METAP1D: variants seen among roughly 807,000 people sequenced by gnomAD.
METAP1D encodes the protein methionyl aminopeptidase type 1D, mitochondrial.
METAP1D carries 31 observed loss-of-function variants against 40.5 expected under a neutral mutation model. The ratio of observed to expected loss-of-function variants is 0.77; its 90% CI spans 0.58 to 1.03. METAP1D has a LOEUF of 1.03. Ranked by LOEUF, METAP1D falls within the 50% of genes least tolerant of loss-of-function variation. The pLI, the probability that METAP1D is intolerant of heterozygous loss-of-function variation, is 0.00. For missense variants in METAP1D, 411 were observed against 420.7 expected (o/e 0.98, Z 0.20); for synonymous variants, 151 against 146.4 (o/e 1.03, Z -0.22).
Position 172,080,476 on chromosome 2 carries a change from T to C in METAP1D, c.*70T>C. On this transcript the variant is annotated 3_prime_UTR_variant, in exon 10 of 10. Transcript: ENST00000315796. ...ATTGCTGAAATTTGGCTGGAGAACT[T>C]TTAGAAGAAACAGGGAAATGACCGG... 2.0e-6 allele frequency: 3 copies of C among 1,533,806 alleles called. No individual in the cohort carries two copies. In the South Asian group the frequency reaches 3.4e-5, roughly 17 times the overall value.
At chr2:172,029,146 G>A (rs1208778671) in intron 1 of METAP1D, among the ~76,000 whole-genome samples, 2 of 152,184 alleles carry the variant, frequency 1.3e-5, no homozygotes, top group Admixed American at 1.3e-4. Flanking sequence ...GGTGGTTTAC[G>A]CCTGTAATCC....
intron 1 of METAP1D, among the ~76,000 whole-genome samples, chr2:172,016,300 A>AAAAAAAATAT (rs1553490378): frequency 1.4e-3 from 58 of 40,004 alleles, no homozygotes; most frequent in Non-Finnish European, 2.3e-3. Flanking sequence ...AAAAAAAAAA[A>AAAAAAAATAT]ATATATATAT....
chr2:172,005,638 A>G (rs1296462323), intron 1 of METAP1D, among the ~76,000 whole-genome samples: 1 of 149,050 alleles, frequency 6.7e-6, no homozygotes, highest in Non-Finnish European at 1.5e-5. Context: ...CCCGGGTTCA[A>G]GCAATTCTCT....
intron 1 of METAP1D, among the ~76,000 whole-genome samples, chr2:172,037,158 A>G (rs1054500704): frequency 6.6e-6 from 1 of 152,134 alleles, no homozygotes; most frequent in African/African-American, 2.4e-5. Flanking sequence ...GCTGCTTGGG[A>G]GGCTGAGACA....
chr2:172,016,300 A>AAAAAAAATATATATATATATAT (rs1553490378), intron 1 of METAP1D, among the ~76,000 whole-genome samples: 2 of 40,038 alleles, frequency 5.0e-5, no homozygotes, highest in Non-Finnish European at 9.2e-5. Flanking sequence ...AAAAAAAAAA[A>AAAAAAAATATATATATATATAT]ATATATATAT....
chr2:172,080,602 C>A lies in METAP1D; in HGVS notation c.*196C>A. 1.6e-6 allele frequency: 1 copy of A among 631,884 alleles called. No homozygotes were observed. The highest frequency in any genetic ancestry group is 2.7e-6 in the Non-Finnish European group (1 of 364,082). 39.1% of individuals were successfully genotyped at this position (631,884 alleles called of 1,614,324 possible). A position where few individuals can be genotyped will look rare whatever the true frequency, so the allele number is the denominator to read the frequency against. ...GATCTGAAGCCCTGCTGGGGTCGCG[C>A]GGCTTTGGAAAAACAAATCCTGGCC... On this transcript the variant is annotated 3_prime_UTR_variant, in exon 10 of 10. Coordinates refer to ENST00000315796, the MANE Select transcript of METAP1D (RefSeq NM_199227.3).
intron 1 of METAP1D, among the ~76,000 whole-genome samples, chr2:172,039,761 G>A (rs1574112700): frequency 1.3e-5 from 2 of 149,656 alleles, no homozygotes; most frequent in South Asian, 2.1e-4. Context: ...TCCGCCTCCC[G>A]GGTTCTAAAG....
At position 172,049,290 on chromosome 2, in the gene METAP1D, T is replaced by G. The variant is rs112336828; in HGVS notation, c.41-12208T>G. ...GTCAGCCTGGCTTAATTTTTAATCT[T>G]TAGTACAAAAAGTAACAGATAGTTG... On this transcript the variant is annotated intron_variant, in intron 1 of 9. Coordinates refer to ENST00000315796, the MANE Select transcript of METAP1D (RefSeq NM_199227.3). Among the ~76,000 whole-genome samples the G allele has an allele frequency of 4.0e-3, 611 of 151,800 alleles. 5 individuals carry two copies. The highest frequency in any genetic ancestry group is 0.021 in the South Asian group (102 of 4,830).
At chr2:172,024,942 G>T (rs1220640683) in intron 1 of METAP1D, among the ~76,000 whole-genome samples, 1 of 152,164 alleles carries the variant, frequency 6.6e-6, no homozygotes, top group Non-Finnish European at 1.5e-5. Context: ...GAGGCTCAGT[G>T]ATCTCAATTC....
rs1689809838 is a variant in METAP1D at position 172,048,521 on chromosome 2, C to G, written c.41-12977C>G. ...ACCAATAGTACTCAGAGAAGGAAAA[C>G]CAATTTAAACAAGAGCTCAAGTGAA... On this transcript the variant is annotated intron_variant, in intron 1 of 9. Transcript: ENST00000315796. Among the ~76,000 whole-genome samples the G allele has an allele frequency of 2.0e-5, 3 of 152,120 alleles. 1 individual carries two copies. In the South Asian group the frequency reaches 6.2e-4, roughly 31 times the overall value.
chr2:172,003,957 G>A (rs917690645), intron 1 of METAP1D, among the ~76,000 whole-genome samples: 1 of 151,984 alleles, frequency 6.6e-6, no homozygotes, highest in African/African-American at 2.4e-5. Flanking sequence ...GTAGACACGG[G>A]GTTTTGCCAT....
At chr2:172,024,762 G>GTGTATA (rs58393650) in intron 1 of METAP1D, among the ~76,000 whole-genome samples, 2 of 150,430 alleles carry the variant, frequency 1.3e-5, no homozygotes, top group South Asian at 2.1e-4. Context: ...GTGTGTGTGT[G>GTGTATA]TGTGTGTGTG....
intron 3 of METAP1D, chr2:172,064,235 GCTCTACCTTGT>G (rs1559017830): frequency 5.9e-6 from 1 of 170,106 alleles, no homozygotes; most frequent in Non-Finnish European, 1.2e-5. Context: ...TTGAAGATTT[GCTCTACCTTGT>G]CCTTTGTCTC....
rs1689676819 is a variant in METAP1D, at chr2:172,044,028, A to G, written c.41-17470A>G. On this transcript the variant is annotated intron_variant, in intron 1 of 9. Transcript: ENST00000315796. ...GGATTGCTTGAGCCCAGGAAGTTAA[A>G]ACTGCAGTGGGCTATGATTGCACCA... Among the ~76,000 whole-genome samples, 3 of 132,712 alleles carry G rather than the reference A, an allele frequency of 2.3e-5. No individual in the cohort carries two copies. In the South Asian group the frequency reaches 7.3e-4, roughly 32 times the overall value. The allele number at this position is 132,712 out of a possible 152,430, so 87.1% of individuals were successfully genotyped here.
chr2:172,068,858 G>A (rs116931072), intron 5 of METAP1D, among the ~76,000 whole-genome samples: 2,790 of 150,364 alleles, frequency 0.019, 58 homozygotes, highest in Admixed American at 0.069. Context: ...TCCTTCCTTC[G>A]TTCCTCCCTT....
rs34982215 is a variant in METAP1D at position 172,005,520 on chromosome 2, TTATA to T, written c.40+5533_40+5536del. ...AGTAGTATTCCATGGTGTCTGTATT[TTATA>T]TATATATATATATATATATATCTTT... is the stretch of plus-strand genomic sequence containing the variant. On this transcript the variant is annotated intron_variant, in intron 1 of 9. Coordinates refer to ENST00000315796, the MANE Select transcript of METAP1D (RefSeq NM_199227.3). 4.3e-3 allele frequency among the ~76,000 whole-genome samples: 478 copies of T among 110,940 alleles called. 4 individuals are homozygous for T. The highest frequency in any genetic ancestry group is 6.7e-3 in the Non-Finnish European group (372 of 55,266). 72.8% of individuals were successfully genotyped at this position (110,940 alleles called of 152,430 possible). A position where few individuals can be genotyped will look rare whatever the true frequency, so the allele number is the denominator to read the frequency against.
At chr2:172,036,149 C>T (rs1388581641) in intron 1 of METAP1D, among the ~76,000 whole-genome samples, 1 of 151,294 alleles carries the variant, frequency 6.6e-6, no homozygotes, top group Non-Finnish European at 1.5e-5. Context: ...AACCCCGTCT[C>T]TACTAAAAAT....
At chr2:172,067,016 C>A (rs1277232552) in intron 5 of METAP1D, among the ~76,000 whole-genome samples, 1 of 152,086 alleles carries the variant, frequency 6.6e-6, no homozygotes, top group Admixed American at 6.6e-5. Context: ...TCAAATTGTA[C>A]AAGATGTAGC....
intron 1 of METAP1D, among the ~76,000 whole-genome samples, chr2:172,037,251 A>G (rs1689417672): frequency 7.3e-6 from 1 of 137,458 alleles, no homozygotes; most frequent in South Asian, 2.5e-4. Context: ...AACAAGAGGG[A>G]AACTCCATCT....
Sources: allele counts gnomAD v4.1 joint callset (sites outside exome capture counted in the v4.1 genomes callset), GRCh38; gene constraint gnomAD v4.1.1; transcripts MANE v1.5; gene names NCBI Gene and HGNC (gene_info 2026-07-23, HGNC 2026-07-21).